AFF2: variants seen among roughly 807,000 people sequenced by gnomAD.
AFF2 encodes the protein AF4/FMR2 family member 2.
In AFF2, 14 loss-of-function variants were observed where a neutral mutation model predicts 76.9. That is an observed-to-expected ratio of 0.18 (90% confidence interval 0.12 to 0.28). The LOEUF is 0.28. AFF2 is among the 10% of genes least tolerant of loss of function. AFF2 has a pLI of 1.00. For synonymous variants in AFF2, 398 were observed against 366.7 expected (o/e 1.09, Z -0.98); for missense variants, 868 against 1,001.1 (o/e 0.87, Z 1.79).
chrX:148,753,160 A>G (rs1370377886), intron 3 of AFF2, among the ~76,000 whole-genome samples: 2 of 111,625 alleles, frequency 1.8e-5, no homozygotes, highest in East Asian at 5.6e-4. Context: ...ATGAAACCAT[A>G]CCAGAATCAC....
At chrX:148,840,047 T>C (rs1013929763) in intron 5 of AFF2, among the ~76,000 whole-genome samples, 4 of 110,858 alleles carry the variant, frequency 3.6e-5, no homozygotes, top group East Asian at 5.6e-4. Context: ...TTAAGCTTAC[T>C]TATCAGTTTC....
chrX:148,522,555 C>G lies in AFF2; in HGVS notation c.47+21411C>G, dbSNP rs781893987. On this transcript the variant is annotated intron_variant, in intron 1 of 20. Transcript: ENST00000370460. Reference sequence around the variant, plus strand: ...TGGGAACCTTTTAAGTTTTTCTATTCACTATTTTACTGTTCTAGGTCTGCA... The same window carrying G: ...TGGGAACCTTTTAAGTTTTTCTATTGACTATTTTACTGTTCTAGGTCTGCA... 1.9e-4 allele frequency among the ~76,000 whole-genome samples: 21 copies of G among 112,094 alleles called. No individual in the cohort carries two copies. The South Asian group carries it at 7.4e-3, about 40-fold the overall frequency.
intron 3 of AFF2, among the ~76,000 whole-genome samples, chrX:148,755,844 T>C (rs2055555551): frequency 9.0e-6 from 1 of 111,717 alleles, no homozygotes; most frequent in African/African-American, 3.3e-5. Flanking sequence ...GAAACAAATA[T>C]GCTGTTGGTC....
intron 8 of AFF2, among the ~76,000 whole-genome samples, chrX:148,902,066 A>G (rs2071361030): frequency 8.9e-6 from 1 of 112,400 alleles, no homozygotes; most frequent in East Asian, 2.8e-4. Context: ...TTGGCTCTAT[A>G]AAAAGATGTA....
At chrX:148,814,841 G>GA (rs1380898267) in intron 4 of AFF2, among the ~76,000 whole-genome samples, 1 of 110,869 alleles carries the variant, frequency 9.0e-6, no homozygotes, top group Non-Finnish European at 1.9e-5. Flanking sequence ...TTGCAAGTAA[G>GA]AAAAAAAATG....
chrX:148,902,708 G>A (rs919510919), intron 8 of AFF2, among the ~76,000 whole-genome samples: 18 of 111,920 alleles, frequency 1.6e-4, no homozygotes, highest in South Asian at 3.8e-4. Flanking sequence ...AGTTGGGCCA[G>A]CCAGACACAT....
rs1427591338 is a variant in AFF2 at position 148,996,444 on chromosome X, A to G, written c.*5112A>G. ...GTGATGTCACTGAACACATGGTTGG[A>G]AAGAGATGCACGCAGTTGGCTCTTG... On this transcript the variant is annotated 3_prime_UTR_variant, in exon 21 of 21. Coordinates refer to ENST00000370460, the MANE Select transcript of AFF2 (RefSeq NM_002025.4). 8.9e-6 allele frequency: 1 copy of G among 112,828 alleles called. No homozygotes were observed. The highest frequency in any genetic ancestry group is 9.3e-5 in the Admixed American group (1 of 10,718). 9.3% of individuals were successfully genotyped at this position (112,828 alleles called of 1,213,427 possible). A position where few individuals can be genotyped will look rare whatever the true frequency, so the allele number is the denominator to read the frequency against.
At chrX:148,837,935 G>A (rs782391594) in intron 5 of AFF2, among the ~76,000 whole-genome samples, 5 of 111,961 alleles carry the variant, frequency 4.5e-5, no homozygotes, top group Admixed American at 9.5e-5. Context: ...ACCGGCATGC[G>A]TGTCTTACTC....
intron 3 of AFF2, among the ~76,000 whole-genome samples, chrX:148,762,556 T>G (rs1450690396): frequency 1.9e-5 from 2 of 108,078 alleles, no homozygotes; most frequent in Non-Finnish European, 3.8e-5. Flanking sequence ...CCATTTGAGC[T>G]GGTTCCATAT....
At chrX:148,762,480 A>ATGTGTGTG (rs144985699) in intron 3 of AFF2, among the ~76,000 whole-genome samples, 2,494 of 92,440 alleles carry the variant, frequency 0.027, 72 homozygotes, top group African/African-American at 0.068. Flanking sequence ...ACATATGTAT[A>ATGTGTGTG]TGTGTGTGTG....
intron 3 of AFF2, among the ~76,000 whole-genome samples, chrX:148,785,972 C>T (rs1249443159): frequency 9.0e-6 from 1 of 111,584 alleles, no homozygotes; most frequent in Non-Finnish European, 1.9e-5. Context: ...AGGTCTCTGT[C>T]CCAGCAAGGT....
chrX:148,509,601 G>T (rs1347896471), intron 1 of AFF2, among the ~76,000 whole-genome samples: 1 of 112,223 alleles, frequency 8.9e-6, no homozygotes, highest in Non-Finnish European at 1.9e-5. Flanking sequence ...ACAAGTGTTT[G>T]TAAATTGGTA....
chrX:148,874,276 A>G (rs782114051), intron 7 of AFF2, among the ~76,000 whole-genome samples: 10 of 112,133 alleles, frequency 8.9e-5, no homozygotes, highest in African/African-American at 3.2e-4. Context: ...TTCTAAATAC[A>G]TTGATATAAG....
intron 7 of AFF2, among the ~76,000 whole-genome samples, chrX:148,846,524 T>G (rs1163174924): frequency 1.8e-5 from 2 of 112,132 alleles, no homozygotes; most frequent in Non-Finnish European, 3.8e-5. Context: ...TTTTAGTAAT[T>G]AAATCTAGCA....
chrX:148,847,787 G>A (rs2070685203), intron 7 of AFF2, among the ~76,000 whole-genome samples: 1 of 111,797 alleles, frequency 8.9e-6, no homozygotes, highest in African/African-American at 3.3e-5. Context: ...GTGCTGTTGA[G>A]AACAGGTGCC....
intron 3 of AFF2, among the ~76,000 whole-genome samples, chrX:148,715,137 G>A (rs554885705): frequency 2.7e-5 from 3 of 111,348 alleles, no homozygotes; most frequent in Non-Finnish European, 3.8e-5. Flanking sequence ...AGGATGAAGC[G>A]TAGTCTGGCT....
intron 1 of AFF2, among the ~76,000 whole-genome samples, chrX:148,651,744 G>A (rs200955079): frequency 4.6e-5 from 5 of 109,887 alleles, no homozygotes; most frequent in Admixed American, 3.9e-4. Context: ...CAAGGGAAGA[G>A]ATTTTGCTTT....
At chrX:148,973,068 A>C (rs2072278179) in intron 15 of AFF2, among the ~76,000 whole-genome samples, 1 of 98,639 alleles carries the variant, frequency 1.0e-5, no homozygotes, top group Admixed American at 1.1e-4. Context: ...CAGGTTTGTC[A>C]AAGATCAGAT....
intron 4 of AFF2, among the ~76,000 whole-genome samples, chrX:148,815,892 A>G (rs782818773): frequency 3.4e-4 from 38 of 111,835 alleles, no homozygotes; most frequent in Non-Finnish European, 6.4e-4. Flanking sequence ...TAGGTATGCT[A>G]TAAAAATAAG....
Sources: allele counts gnomAD v4.1 joint callset (sites outside exome capture counted in the v4.1 genomes callset), GRCh38; gene constraint gnomAD v4.1.1; transcripts MANE v1.5; gene names NCBI Gene and HGNC (gene_info 2026-07-23, HGNC 2026-07-21).